Variants in MEGF10 observed in about 807,000 individuals in gnomAD.
The protein encoded by MEGF10 is multiple EGF like domains 10.
In MEGF10, 86 loss-of-function variants were observed where a neutral mutation model predicts 147.5. That is an observed-to-expected ratio of 0.58 (90% CI 0.49 to 0.70). The LOEUF is 0.70. MEGF10 is among the 30% of genes least tolerant of loss of function. The pLI is 0.00. For synonymous variants in MEGF10, 478 were observed against 525.5 expected (o/e 0.91, Z 1.24); for missense variants, 1,329 against 1,487.3 (o/e 0.89, Z 1.75).
At chr5:127,370,117 T>C (rs1762798837) in intron 5 of MEGF10, 115 bp downstream of exon 5, 1 of 658,154 alleles carries the variant, frequency 1.5e-6, no homozygotes, top group African/African-American at 1.8e-5. Flanking sequence ...GAGCATAGTG[T>C]AAATGCCACG....
At chr5:127,348,579 G>A (rs1162094867) in intron 4 of MEGF10, among the ~76,000 whole-genome samples, 3 of 152,032 alleles carry the variant, frequency 2.0e-5, no homozygotes, top group Non-Finnish European at 2.9e-5. Context: ...GTGCACACAC[G>A]TATATGCAAT....
chr5:127,370,068 A>G, intron 5 of MEGF10, 66 bp downstream of exon 5: 1 of 1,239,686 alleles, frequency 8.1e-7, no homozygotes, highest in Non-Finnish European at 1.2e-6. Context: ...TTGTCTGCAG[A>G]TGACCCTGAG....
At chr5:127,384,247 A>G (rs980082703) in intron 5 of MEGF10, among the ~76,000 whole-genome samples, 1 of 152,224 alleles carries the variant, frequency 6.6e-6, no homozygotes, top group African/African-American at 2.4e-5. Context: ...ATGTCTTGGT[A>G]AGGAGCAAGT....
At chr5:127,338,359 G>A (rs1761546028) in intron 2 of MEGF10, among the ~76,000 whole-genome samples, 1 of 152,098 alleles carries the variant, frequency 6.6e-6, no homozygotes, top group Non-Finnish European at 1.5e-5. Flanking sequence ...GAAGAAGTCT[G>A]GAATTCAACA....
intron 5 of MEGF10, among the ~76,000 whole-genome samples, chr5:127,383,720 C>T (rs113095716): frequency 4.8e-4 from 73 of 151,248 alleles, no homozygotes; most frequent in Admixed American, 2.6e-3. Context: ...AGGACTTTAT[C>T]TGCCATGTTT....
In MEGF10 at chr5:127,317,042, T is replaced by G. The variant is rs141743030; in HGVS notation, c.-18-14249T>G. On this transcript the variant is annotated intron_variant, in intron 1 of 24. Transcript: ENST00000503335. ...TGGGGAAAATCAAGTACCTGAGAAT[T>G]GTTCAAGCGACATATACATGAGTTT... Among the ~76,000 whole-genome samples the G allele has an allele frequency of 2.7e-3, 418 of 152,300 alleles. 1 individual carries two copies. The highest frequency in any genetic ancestry group is 4.4e-3 in the Non-Finnish European group (296 of 68,020).
chr5:127,262,268 A>G, the MEGF10 span, among the ~76,000 whole-genome samples: 1 of 151,122 alleles, frequency 6.6e-6, no homozygotes, highest in Admixed American at 6.6e-5. Flanking sequence ...TCTTAGATCC[A>G]TTTTGAGTTA....
the MEGF10 span, among the ~76,000 whole-genome samples, chr5:127,237,239 G>A: frequency 6.6e-6 from 1 of 152,216 alleles, no homozygotes; most frequent in East Asian, 1.9e-4. Context: ...GCTCATGATT[G>A]TAATCCCAGC....
chr5:127,359,795 T>C (rs1163023667), intron 4 of MEGF10, among the ~76,000 whole-genome samples: 1 of 152,282 alleles, frequency 6.6e-6, no homozygotes, highest in South Asian at 2.1e-4. Context: ...ATTTGGATTT[T>C]TTCCAGTTTT....
chr5:127,384,787 T>C (rs1038131197), intron 5 of MEGF10, among the ~76,000 whole-genome samples: 3 of 152,236 alleles, frequency 2.0e-5, no homozygotes, highest in Non-Finnish European at 4.4e-5. Flanking sequence ...TTTAGTGCTT[T>C]CAGAGTATCT....
At chr5:127,411,032 A>G (rs1764537938) in intron 9 of MEGF10, among the ~76,000 whole-genome samples, 1 of 136,694 alleles carries the variant, frequency 7.3e-6, no homozygotes, top group Non-Finnish European at 1.6e-5. Flanking sequence ...TCTGTGGAAG[A>G]AAAAAAAAGG....
At chr5:127,415,896 CA>C (rs1156648076) in intron 9 of MEGF10, among the ~76,000 whole-genome samples, 11,441 of 55,592 alleles carry the variant, frequency 0.21, 243 homozygotes, top group Non-Finnish European at 0.27. Context: ...GACTCCATCT[CA>C]AAAAAAAAAA....
chr5:127,352,689 G>C (rs1004477189), intron 4 of MEGF10, among the ~76,000 whole-genome samples: 1 of 152,058 alleles, frequency 6.6e-6, no homozygotes, highest in Non-Finnish European at 1.5e-5. Context: ...AAAAAAAAGC[G>C]TTTATTTACC....
chr5:127,410,720 G>T, intron 9 of MEGF10, 119 bp downstream of exon 9: 1 of 869,984 alleles, frequency 1.1e-6, no homozygotes, highest in Admixed American at 2.2e-5. Flanking sequence ...CTGCCTCTAG[G>T]CTACTCTGGG....
intron 2 of MEGF10, among the ~76,000 whole-genome samples, chr5:127,334,117 G>T (rs1449957884): frequency 2.6e-5 from 4 of 152,094 alleles, no homozygotes; most frequent in Non-Finnish European, 4.4e-5. Flanking sequence ...AAATTAAAAT[G>T]ATCAAATAAA....
intron 4 of MEGF10, among the ~76,000 whole-genome samples, chr5:127,349,575 T>C (rs1015392249): frequency 6.6e-6 from 1 of 152,174 alleles, no homozygotes; most frequent in African/African-American, 2.4e-5. Flanking sequence ...AAGTCCTTCA[T>C]ATAAGTGGAA....
At chr5:127,255,652 A>G in the MEGF10 span, among the ~76,000 whole-genome samples, 1 of 152,226 alleles carries the variant, frequency 6.6e-6, no homozygotes, top group Non-Finnish European at 1.5e-5. Flanking sequence ...GGAGAGAGTA[A>G]GAATGAAAAT....
intron 13 of MEGF10, chr5:127,424,339 G>A (rs541344107): frequency 9.9e-6 from 7 of 709,878 alleles, no homozygotes; most frequent in Admixed American, 6.0e-5. Context: ...TCTTTTTCAG[G>A]ATTGTTTTGA....
the MEGF10 span, among the ~76,000 whole-genome samples, chr5:127,275,908 G>A: frequency 6.6e-6 from 1 of 152,008 alleles, no homozygotes; most frequent in South Asian, 2.1e-4. Flanking sequence ...TTGTCATAGA[G>A]GATTGGTTTC....
Sources: gnomAD v4.1 joint callset for allele counts (sites outside exome capture counted in the v4.1 genomes callset) on GRCh38, gnomAD v4.1.1 for gene constraint, MANE v1.5 for transcripts, NCBI Gene and HGNC (gene_info 2026-07-23, HGNC 2026-07-21) for gene names.